The following TRPC4AP variants were observed in gnomAD, a reference collection of about 807,000 sequenced individuals.
TRPC4AP encodes the protein short transient receptor potential channel 4-associated protein.
In TRPC4AP, 45 loss-of-function variants were observed where a neutral mutation model predicts 99.0. The observed-to-expected ratio is 0.45, with a 90% CI of 0.36 to 0.58. TRPC4AP has a LOEUF of 0.58. Among genes scored for constraint, TRPC4AP ranks in the 20% least tolerant of loss-of-function variants. TRPC4AP has a pLI of 0.00. For missense variants in TRPC4AP, 879 were observed against 985.3 expected (o/e 0.89, Z 1.44); for synonymous variants, 408 against 385.8 (o/e 1.06, Z -0.67).
At chr20:35,069,173 T>A (rs2084238104) in intron 3 of TRPC4AP, 123 bp downstream of exon 3, 1 of 649,938 alleles carries the variant, frequency 1.5e-6, no homozygotes, top group African/African-American at 1.8e-5. Flanking sequence ...CCGCTAAGCT[T>A]CTAAAAGTTA....
At chr20:35,087,538 G>A (rs1381933272) in intron 1 of TRPC4AP, among the ~76,000 whole-genome samples, 1 of 152,108 alleles carries the variant, frequency 6.6e-6, no homozygotes, top group Non-Finnish European at 1.5e-5. Context: ...TGTAATGTGA[G>A]CTGCACTATC....
rs534982726 is a variant in TRPC4AP, at chr20:35,038,130, G to T, written c.866-2822C>A. On this transcript the variant is annotated intron_variant, in intron 7 of 18. Coordinates refer to ENST00000252015, the MANE Select transcript of TRPC4AP (RefSeq NM_015638.3). ...CGTTTCCTTTTGGGGTGATGAAAAC[G>T]TGCAACTAGATAGAGGTGGTAGCTG... is the stretch of plus-strand genomic sequence containing the variant. 4.3e-4 allele frequency among the ~76,000 whole-genome samples: 65 copies of T among 149,558 alleles called. 1 individual carries two copies. The highest frequency in any genetic ancestry group is 1.6e-3 in the African/African-American group (64 of 40,552).
At chr20:35,030,386 T>C (rs1036167345) in intron 8 of TRPC4AP, 1 of 152,202 alleles carries the variant, frequency 6.6e-6, no homozygotes, top group Non-Finnish European at 1.5e-5. Context: ...TCTGTACTGT[T>C]CCAATTTTGG....
intron 4 of TRPC4AP, among the ~76,000 whole-genome samples, chr20:35,057,167 C>T (rs538379811): frequency 1.3e-5 from 2 of 151,938 alleles, no homozygotes; most frequent in Non-Finnish European, 2.9e-5. Context: ...GAGCATGTAT[C>T]ACCTTTCTAA....
chr20:35,080,539 A>AC (rs959832129), intron 1 of TRPC4AP, among the ~76,000 whole-genome samples: 2 of 142,198 alleles, frequency 1.4e-5, no homozygotes, highest in Non-Finnish European at 3.0e-5. Flanking sequence ...CCATCTAAAA[A>AC]AAAAAAAAAA....
chr20:35,057,585 TA>T lies in TRPC4AP; in HGVS notation c.415-15del. The T allele has an allele frequency of 6.3e-7, 1 of 1,598,526 alleles. No homozygotes were observed. On this transcript the variant is annotated splice_polypyrimidine_tract_variant and intron_variant, in intron 3 of 18. Coordinates refer to ENST00000252015, the MANE Select transcript of TRPC4AP (RefSeq NM_015638.3). Reference sequence around the variant, plus strand: ...TTCTACAAGAAGCTATAAAAAAAATTAGATAAAATCTTCAAAATTAATTCAA... The same window carrying T: ...TTCTACAAGAAGCTATAAAAAAAATTGATAAAATCTTCAAAATTAATTCAA...
rs1216465845 is a variant in TRPC4AP at position 35,054,990 on chromosome 20, T to A, written c.514A>T (p.Asn172Tyr). 1.5e-5 allele frequency: 25 copies of A among 1,613,722 alleles called. No homozygotes were observed. The highest frequency in any genetic ancestry group is 2.0e-5 in the Non-Finnish European group (24 of 1,179,826). The change falls in exon 5 of 19, where the codon AAT (asparagine) becomes TAT (tyrosine). Residue 172 changes from asparagine to tyrosine, a missense_variant. This residue lies in a region of TRPC4AP where 603 missense variants were observed against 631.8 expected (regional missense o/e 0.95). Coordinates refer to ENST00000252015, the MANE Select transcript of TRPC4AP (RefSeq NM_015638.3). Reference sequence around the variant, plus strand: ...GGGGTACTTACACAGACACAGGTATTATACAGGATACTCAAGCAGTCCTTG... The same window carrying A: ...GGGGTACTTACACAGACACAGGTATAATACAGGATACTCAAGCAGTCCTTG... ...MSKDCLSILYNTCVCTEGVTK... is the reference protein window; with the variant it reads ...MSKDCLSILYYTCVCTEGVTK...
intron 1 of TRPC4AP, among the ~76,000 whole-genome samples, chr20:35,082,307 A>G (rs1269429393): frequency 6.6e-6 from 1 of 152,196 alleles, no homozygotes; most frequent in Non-Finnish European, 1.5e-5. Context: ...TGCACTCTAC[A>G]TGTCCTTTAC....
chr20:35,046,384 C>G (rs911928048), intron 6 of TRPC4AP, among the ~76,000 whole-genome samples: 3 of 152,182 alleles, frequency 2.0e-5, no homozygotes, highest in African/African-American at 7.2e-5. Context: ...TCAGATAACA[C>G]CTGCTATCCT....
intron 1 of TRPC4AP, among the ~76,000 whole-genome samples, chr20:35,079,115 T>G (rs116073608): frequency 6.6e-6 from 1 of 152,000 alleles, no homozygotes; most frequent in Non-Finnish European, 1.5e-5. Flanking sequence ...AAAAGAAAGA[T>G]GGAGTAGTTA....
intron 11 of TRPC4AP, among the ~76,000 whole-genome samples, chr20:35,011,998 G>A (rs958017420): frequency 7.9e-5 from 12 of 152,216 alleles, no homozygotes; most frequent in Non-Finnish European, 1.5e-4. Context: ...CTTCATGAGA[G>A]CAGGGGCCAT....
intron 12 of TRPC4AP, 111 bp downstream of exon 12, chr20:35,010,076 C>G: frequency 1.2e-6 from 1 of 800,440 alleles, no homozygotes; most frequent in Non-Finnish European, 2.1e-6. Flanking sequence ...GACACTGTAG[C>G]TGCATGTGAG....
At chr20:35,068,986 A>C (rs1398459374) in intron 3 of TRPC4AP, among the ~76,000 whole-genome samples, 1 of 149,972 alleles carries the variant, frequency 6.7e-6, no homozygotes, top group South Asian at 2.1e-4. Flanking sequence ...CACAAAAAAA[A>C]CAAAACATCT....
intron 1 of TRPC4AP, among the ~76,000 whole-genome samples, chr20:35,083,714 T>TAA (rs761897677): frequency 2.1e-5 from 3 of 139,658 alleles, no homozygotes; most frequent in African/African-American, 2.6e-5. Context: ...CTGCAAGCTT[T>TAA]AAAAAAAAAA....
At chr20:35,046,768 C>T (rs1045518245) in intron 6 of TRPC4AP, among the ~76,000 whole-genome samples, 3 of 152,192 alleles carry the variant, frequency 2.0e-5, no homozygotes, top group African/African-American at 7.2e-5. Context: ...TAACTTGTAG[C>T]TCACCAGTTC....
intron 4 of TRPC4AP, among the ~76,000 whole-genome samples, chr20:35,056,978 A>G (rs1161511877): frequency 6.7e-6 from 1 of 149,244 alleles, no homozygotes; most frequent in African/African-American, 2.5e-5. Flanking sequence ...AGAGCGAGAG[A>G]CTGTCTCAAA....
chr20:35,077,955 T>C (rs1281008955), intron 2 of TRPC4AP, 91 bp downstream of exon 2: 4 of 1,433,820 alleles, frequency 2.8e-6, no homozygotes, highest in Non-Finnish European at 2.8e-6. Context: ...AGGCTATTTT[T>C]AAAAGCCAAC....
intron 7 of TRPC4AP, among the ~76,000 whole-genome samples, chr20:35,038,572 T>C (rs150999034): frequency 1.9e-3 from 273 of 145,456 alleles, no homozygotes; most frequent in African/African-American, 6.6e-3. Flanking sequence ...TTATATTACC[T>C]ATTTACATTA....
chr20:35,088,443 A>C (rs1305398995), intron 1 of TRPC4AP, among the ~76,000 whole-genome samples: 1 of 152,228 alleles, frequency 6.6e-6, no homozygotes, highest in Non-Finnish European at 1.5e-5. Flanking sequence ...AATTTCCTGA[A>C]TATCAAATGG....
Sources: allele counts gnomAD v4.1 joint callset (sites outside exome capture counted in the v4.1 genomes callset), GRCh38; gene constraint gnomAD v4.1.1; regional missense constraint gnomAD v4.1.1; transcripts MANE v1.5; gene names NCBI Gene and HGNC (gene_info 2026-07-23, HGNC 2026-07-21).